Variants in TACC2 observed in about 807,000 individuals in gnomAD.
The protein encoded by TACC2 is transforming acidic coiled-coil containing protein 2.
In TACC2, 137 loss-of-function variants were observed where a neutral mutation model predicts 227.3. The observed-to-expected ratio is 0.60, with a 90% CI of 0.52 to 0.69. The LOEUF (loss-of-function observed/expected upper bound fraction) is 0.69, where lower values mean the gene tolerates loss of function less well. Ranked by LOEUF, TACC2 falls within the 30% of genes least tolerant of loss-of-function variation. TACC2 has a pLI of 0.00. For synonymous variants in TACC2, 1,523 were observed against 1,487.5 expected, an observed-to-expected ratio of 1.02 and a Z score of -0.55; for missense variants, 3,470 against 3,694.4, an observed-to-expected ratio of 0.94 and a Z score of 1.57.
At chr10:122,111,101 C>T (rs1156793203) in intron 5 of TACC2, among the ~76,000 whole-genome samples, 1 of 152,206 alleles carries the variant, frequency 6.6e-6, no homozygotes, top group Admixed American at 6.5e-5. Context: ...AATTAAAGGA[C>T]CTTCATGATG....
intron 5 of TACC2, among the ~76,000 whole-genome samples, chr10:122,110,817 C>T (rs904822994): frequency 6.6e-6 from 1 of 152,118 alleles, no homozygotes; most frequent in Non-Finnish European, 1.5e-5. Context: ...TGGCTTAAGA[C>T]AACACAAATT....
intron 3 of TACC2, among the ~76,000 whole-genome samples, chr10:122,073,106 CA>C (rs1164376721): frequency 5.5e-3 from 107 of 19,420 alleles, no homozygotes; most frequent in African/African-American, 0.02. Context: ...GACTCTGTCT[CA>C]AAAAAAAAAA....
intron 5 of TACC2, among the ~76,000 whole-genome samples, chr10:122,116,088 G>A (rs969463807): frequency 3.3e-5 from 5 of 152,098 alleles, no homozygotes; most frequent in East Asian, 1.9e-4. Context: ...AACTCCCTGC[G>A]ATGACAGAAC....
chr10:122,054,027 C>T (rs952949821), intron 3 of TACC2, among the ~76,000 whole-genome samples: 1 of 152,214 alleles, frequency 6.6e-6, no homozygotes, highest in African/African-American at 2.4e-5. Flanking sequence ...CATCTCCACT[C>T]TACAGATGAG....
chr10:122,132,555 A>G (rs901453903), intron 5 of TACC2, 54 bp from the exon 6 acceptor site: 49 of 1,608,122 alleles, frequency 3.0e-5, no homozygotes, highest in Non-Finnish European at 4.1e-5. Context: ...GTCTCAAAAC[A>G]AAAACTTGTA....
intron 3 of TACC2, among the ~76,000 whole-genome samples, chr10:122,069,902 C>A (rs1332589430): frequency 2.0e-5 from 3 of 152,204 alleles, no homozygotes; most frequent in Non-Finnish European, 4.4e-5. Flanking sequence ...CAAATGCCAA[C>A]TTTGACAGTG....
rs1472673300 is a variant in TACC2 at position 122,216,668 on chromosome 10, C to T, written c.7386C>T (p.Ile2462=). The T allele has an allele frequency of 2.5e-6, 4 of 1,614,142 alleles. No individual in the cohort carries two copies. The highest frequency in any genetic ancestry group is 3.4e-6 in the Non-Finnish European group (4 of 1,180,036). ...CTACACCAGAAACACCACCAGTGAT[C>T]TCTGCGGTGGTCCACGCCACAGATG... ...PAATPETPPV[I]SAVVHATDEE... is the part of the protein sequence containing the mutation. The change falls in exon 11 of 23, where the codon ATC becomes ATT. Residue 2462 remains isoleucine, a synonymous_variant. Coordinates refer to ENST00000369005, the MANE Select transcript of TACC2 (RefSeq NM_206862.4).
At chr10:122,110,584 C>T (rs920650513) in intron 5 of TACC2, among the ~76,000 whole-genome samples, 4 of 152,222 alleles carry the variant, frequency 2.6e-5, no homozygotes, top group Non-Finnish European at 4.4e-5. Flanking sequence ...GACCACTGCA[C>T]TGCCTGAGTT....
intron 9 of TACC2, among the ~76,000 whole-genome samples, chr10:122,212,325 T>C (rs1469036567): frequency 2.0e-5 from 3 of 152,164 alleles, no homozygotes; most frequent in African/African-American, 4.8e-5. Context: ...TCTGAAGAGA[T>C]AAATGGAACC....
At chr10:122,025,437 A>G (rs1245330035) in intron 2 of TACC2, among the ~76,000 whole-genome samples, 1 of 151,050 alleles carries the variant, frequency 6.6e-6, no homozygotes, top group Non-Finnish European at 1.5e-5. Context: ...ATTTTTTTGT[A>G]TTTTTAGTAG....
chr10:122,244,454 C>T (rs2096067926), intron 19 of TACC2, among the ~76,000 whole-genome samples: 2 of 152,150 alleles, frequency 1.3e-5, no homozygotes, highest in Non-Finnish European at 2.9e-5. Flanking sequence ...CCTTCAGCCA[C>T]TGTTGCAGGT....
chr10:122,201,897 C>T (rs867094666), intron 8 of TACC2, among the ~76,000 whole-genome samples: 4 of 152,260 alleles, frequency 2.6e-5, no homozygotes, highest in East Asian at 3.9e-4. Context: ...GTCACCAAGC[C>T]GATTAGTGGC....
intron 2 of TACC2, among the ~76,000 whole-genome samples, chr10:122,026,564 G>C (rs1958052052): frequency 6.6e-6 from 1 of 151,998 alleles, no homozygotes; most frequent in Admixed American, 6.6e-5. Context: ...TCTGGGTTTG[G>C]ACAAAGGAAT....
At chr10:122,071,376 C>T (rs981963675) in intron 3 of TACC2, among the ~76,000 whole-genome samples, 9 of 152,126 alleles carry the variant, frequency 5.9e-5, no homozygotes, top group Admixed American at 5.9e-4. Flanking sequence ...CCAGCAGTAG[C>T]CCCTTCCAGC....
At chr10:122,226,254 G>C (rs568218583) in intron 12 of TACC2, 112 bp from the exon 13 acceptor site, 4 of 728,390 alleles carry the variant, frequency 5.5e-6, no homozygotes, top group South Asian at 3.5e-5. Context: ...AACAATGAAG[G>C]CTTTTCCCTG....
intron 5 of TACC2, among the ~76,000 whole-genome samples, chr10:122,099,603 GAAGCTGC>G (rs2081912663): frequency 1.3e-5 from 2 of 152,222 alleles, no homozygotes; most frequent in African/African-American, 4.8e-5. Context: ...GTGAATTAAA[GAAGCTGC>G]AAGCACTGGC....
At chr10:122,051,671 A>C (rs2075699228) in intron 3 of TACC2, 1 of 152,214 alleles carries the variant, frequency 6.6e-6, no homozygotes, top group Admixed American at 6.5e-5. Flanking sequence ...TGGAACAAAA[A>C]TGCAAAATGG....
At chr10:122,204,111 C>T (rs925694822) in intron 8 of TACC2, among the ~76,000 whole-genome samples, 60 of 147,912 alleles carry the variant, frequency 4.1e-4, no homozygotes, top group Admixed American at 8.7e-4. Context: ...GGCAGCAGTA[C>T]AGTCCAGCTT....
chr10:122,144,474 G>C (rs1019134196), intron 7 of TACC2, among the ~76,000 whole-genome samples: 2 of 152,156 alleles, frequency 1.3e-5, no homozygotes, highest in African/African-American at 4.8e-5. Context: ...ATTTTGTAGA[G>C]AGCCAAATGC....
Sources: allele counts gnomAD v4.1 joint callset (sites outside exome capture counted in the v4.1 genomes callset), GRCh38; gene constraint gnomAD v4.1.1; transcripts MANE v1.5; gene names NCBI Gene and HGNC (gene_info 2026-07-23, HGNC 2026-07-21).